The following PPP2R2D variants were observed in gnomAD, a reference collection of about 807,000 sequenced individuals.
PPP2R2D encodes the protein protein phosphatase 2 regulatory subunit Bdelta, also known as serine/threonine-protein phosphatase 2A 55 kDa regulatory subunit B delta isoform.
Under a neutral mutation model 31.1 loss-of-function variants are expected in PPP2R2D, and 9 were observed. The ratio of observed to expected loss-of-function variants is 0.29; its 90% CI spans 0.17 to 0.51. The LOEUF is 0.51. PPP2R2D is among the 20% of genes least tolerant of loss of function. The probability of loss-of-function intolerance (pLI) is 0.98; values close to 1 mark genes in which losing one functional copy is unlikely to be tolerated. For synonymous variants in PPP2R2D, 179 were observed against 172.6 expected (o/e 1.04, Z -0.29); for missense variants, 391 against 465.6 (o/e 0.84, Z 1.48).
chr10:131,938,523 C>G (rs948205278), intron 3 of PPP2R2D, among the ~76,000 whole-genome samples: 3 of 152,316 alleles, frequency 2.0e-5, no homozygotes, highest in South Asian at 2.1e-4. Flanking sequence ...TGTCCCCTCC[C>G]CATTTCAGCC....
chr10:131,956,032 G>A lies in PPP2R2D; in HGVS notation c.*69G>A, dbSNP rs768045152. 1.7e-4 allele frequency: 234 copies of A among 1,371,664 alleles called. No homozygotes were observed. Among genetic ancestry groups the A allele is most frequent in the Non-Finnish European group, 1.9e-4 (204 of 1,054,906 alleles). The allele number at this position is 1,371,664 out of a possible 1,614,324, so 85.0% of individuals were successfully genotyped here. On this transcript the variant is annotated 3_prime_UTR_variant, in exon 9 of 9. Coordinates refer to ENST00000455566, the MANE Select transcript of PPP2R2D (RefSeq NM_018461.5). ...CGGACATTTTTCTGTCAGAGAAAAG[G>A]CATCATTGTCCGCTCCATTAAGAAC...
At chr10:131,932,226 T>C (rs1451806007) in intron 2 of PPP2R2D, among the ~76,000 whole-genome samples, 1 of 151,588 alleles carries the variant, frequency 6.6e-6, no homozygotes, top group Non-Finnish European at 1.5e-5. Flanking sequence ...GCAGGTGGAG[T>C]GTGACATGGC....
In PPP2R2D at chr10:131,901,168, C is replaced by A. The variant is rs1204785974; in HGVS notation, c.7+13C>A. On this transcript the variant is annotated intron_variant, in intron 1 of 8. Transcript: ENST00000455566. ...GCTGCCATGGCAGGTGAGGGGTCTG[C>A]GCGGGCCGGCGGGGACCACGGGGGC... is the stretch of plus-strand genomic sequence containing the variant. 6.3e-4 allele frequency: 195 copies of A among 309,258 alleles called. 3 individuals are homozygous for A. The East Asian group carries it at 1.0e-2, about 16-fold the overall frequency. The allele number at this position is 309,258 out of a possible 1,614,324, so 19.2% of individuals were successfully genotyped here.
At chr10:131,967,515 C>T in the PPP2R2D span, 3 of 152,176 alleles carry the variant, frequency 2.0e-5, no homozygotes, top group Non-Finnish European at 1.5e-5. Flanking sequence ...CAAATGAAAA[C>T]GTTAGATTTA....
At position 131,955,783 on chromosome 10, in the gene PPP2R2D, G is replaced by A. The variant is rs376456049; in HGVS notation, c.1182G>A (p.Pro394=). Residue 394 remains proline, a synonymous_variant, in exon 9 of 9, where the codon CCG becomes CCA. Coordinates refer to ENST00000455566, the MANE Select transcript of PPP2R2D (RefSeq NM_018461.5). ...AGGCCTCGAGAGAGAGCAGCAAACC[G>A]CGCGCCAGCCTCAAACCCCGGAAGG... ...TLEASRESSK[P]RASLKPRKVC... is the part of the protein sequence containing the mutation. 117 of 1,593,840 alleles carry A rather than the reference G, an allele frequency of 7.3e-5. No homozygotes were observed. In the African/African-American group the frequency reaches 1.0e-3, roughly 14 times the overall value.
rs11146338 is a variant in PPP2R2D, at chr10:131,956,787, C to G, written c.*824C>G. ...AGGCCACCTCTGAGAAAGAAAATTGCAAGGAAGAACCAAAATTGCTGCCAT... is the reference window on the plus strand; with the variant it reads ...AGGCCACCTCTGAGAAAGAAAATTGGAAGGAAGAACCAAAATTGCTGCCAT... On this transcript the variant is annotated 3_prime_UTR_variant, in exon 9 of 9. Coordinates refer to ENST00000455566, the MANE Select transcript of PPP2R2D (RefSeq NM_018461.5). 46,499 of 166,902 alleles carry G rather than the reference C, an allele frequency of 0.28. 6,502 individuals are homozygous for G. Among genetic ancestry groups the G allele is most frequent in the East Asian group, 0.45 (2,323 of 5,204 alleles). The allele number at this position is 166,902 out of a possible 1,614,324, so 10.3% of individuals were successfully genotyped here. A position where few individuals can be genotyped will look rare whatever the true frequency, so the allele number is the denominator to read the frequency against.
intron 2 of PPP2R2D, chr10:131,911,880 G>A (rs2035689657): frequency 6.6e-6 from 1 of 152,144 alleles, no homozygotes; most frequent in African/African-American, 2.4e-5. Context: ...TACTGGTTTT[G>A]TCTCAAAATA....
At chr10:131,904,603 T>A (rs2035553787) in intron 2 of PPP2R2D, among the ~76,000 whole-genome samples, 1 of 152,168 alleles carries the variant, frequency 6.6e-6, no homozygotes, top group African/African-American at 2.4e-5. Context: ...TTTTGTTTGT[T>A]TAGATTTGTG....
intron 2 of PPP2R2D, among the ~76,000 whole-genome samples, chr10:131,917,252 G>C (rs1359889545): frequency 6.3e-5 from 9 of 142,402 alleles, no homozygotes; most frequent in Admixed American, 2.1e-4. Context: ...CACAGTGTTT[G>C]TAGGGACCTC....
intron 2 of PPP2R2D, chr10:131,911,464 T>C (rs36178392): frequency 0.29 from 43,695 of 152,242 alleles, 6,417 homozygotes; most frequent in East Asian, 0.45. Flanking sequence ...AGGGTTGGAA[T>C]TGAATAAAGT....
chr10:131,910,406 A>G (rs2035664130), intron 2 of PPP2R2D, among the ~76,000 whole-genome samples: 1 of 152,210 alleles, frequency 6.6e-6, no homozygotes, highest in African/African-American at 2.4e-5. Flanking sequence ...TCAAATTAGC[A>G]GTAGTAGAGA....
chr10:131,953,178 C>T (rs1364495630), intron 8 of PPP2R2D, among the ~76,000 whole-genome samples: 4 of 73,592 alleles, frequency 5.4e-5, no homozygotes, highest in African/African-American at 1.8e-4. Context: ...TGCGGGTGTG[C>T]GGGGGGTTTC....
At chr10:131,951,398 A>G (rs1189652008) in intron 8 of PPP2R2D, among the ~76,000 whole-genome samples, 3 of 152,278 alleles carry the variant, frequency 2.0e-5, no homozygotes, top group African/African-American at 4.8e-5. Flanking sequence ...GTGAGAATCA[A>G]TTATTAGAAC....
At chr10:131,964,266 A>G (rs190039786), downstream of PPP2R2D, among the ~76,000 whole-genome samples, 2 of 152,124 alleles carry the variant, frequency 1.3e-5, no homozygotes, top group East Asian at 3.9e-4. Flanking sequence ...TCAAGAACCC[A>G]CTAACTTTAG....
At chr10:131,963,477 T>C (rs1040117296), downstream of PPP2R2D, among the ~76,000 whole-genome samples, 4 of 152,230 alleles carry the variant, frequency 2.6e-5, no homozygotes, top group East Asian at 7.7e-4. Context: ...GATTCACTCC[T>C]GTTTCCCGTT....
At chr10:131,902,952 A>G (rs1229216858) in intron 2 of PPP2R2D, among the ~76,000 whole-genome samples, 2 of 151,988 alleles carry the variant, frequency 1.3e-5, no homozygotes, top group Admixed American at 6.6e-5. Flanking sequence ...GGATTTCGCC[A>G]TGTTGCCCAG....
At chr10:131,905,673 C>T (rs1044773718) in intron 2 of PPP2R2D, among the ~76,000 whole-genome samples, 4 of 152,328 alleles carry the variant, frequency 2.6e-5, no homozygotes, top group East Asian at 1.9e-4. Flanking sequence ...TACTGTTCTT[C>T]CCAGTCTCAG....
rs1278898600 is a variant in PPP2R2D, at chr10:131,959,698, A to T, written c.*3735A>T. On this transcript the variant is annotated 3_prime_UTR_variant, in exon 9 of 9. Transcript: ENST00000455566. The stretch of plus-strand genomic sequence containing the variant: ...GTATATTGATTGTGACACAATTTAC[A>T]AAGTCTGAGGTGTGGAACAGTTATT... 6.6e-6 allele frequency: 1 copy of T among 152,340 alleles called. No homozygotes were observed. The highest frequency in any genetic ancestry group is 1.5e-5 in the Non-Finnish European group (1 of 68,138). The allele number at this position is 152,340 out of a possible 1,614,324, so 9.4% of individuals were successfully genotyped here.
intron 8 of PPP2R2D, among the ~76,000 whole-genome samples, chr10:131,953,116 C>T (rs1174133071): frequency 1.4e-5 from 1 of 71,820 alleles, no homozygotes; most frequent in Non-Finnish European, 2.6e-5. Flanking sequence ...GCGGGGGTTC[C>T]CTGTCTTAGC....
Sources: allele counts gnomAD v4.1 joint callset (sites outside exome capture counted in the v4.1 genomes callset), GRCh38; gene constraint gnomAD v4.1.1; transcripts MANE v1.5; gene names NCBI Gene and HGNC (gene_info 2026-07-23, HGNC 2026-07-21).